The following ACAP3 variants were observed in gnomAD, a reference collection of about 807,000 sequenced individuals.
The protein encoded by ACAP3 is arf-GAP with coiled-coil, ANK repeat and PH domain-containing protein 3.
Under a neutral mutation model 104.1 loss-of-function variants are expected in ACAP3, and 56 were observed. The observed-to-expected ratio is 0.54, with a 90% CI of 0.43 to 0.67. ACAP3 has a LOEUF of 0.67. Among genes scored for constraint, ACAP3 ranks in the 30% least tolerant of loss-of-function variants. The pLI, the probability that ACAP3 is intolerant of heterozygous loss-of-function variation, is 0.00. For synonymous variants in ACAP3, 628 were observed against 496.2 expected, an observed-to-expected ratio of 1.27 and a Z score of -3.53; for missense variants, 1,208 against 1,174.9, an observed-to-expected ratio of 1.03 and a Z score of -0.41.
intron 12 of ACAP3, 21 bp downstream of exon 12, chr1:1,298,349 A>G (rs1448227908): frequency 6.2e-7 from 1 of 1,606,154 alleles, no homozygotes; most frequent in South Asian, 1.1e-5. Flanking sequence ...TCAGGGCCCC[A>G]GCCCCAGGCC....
intron 12 of ACAP3, 48 bp downstream of exon 12, chr1:1,298,322 G>A: frequency 6.2e-7 from 1 of 1,604,570 alleles, no homozygotes; most frequent in Non-Finnish European, 8.5e-7. Context: ...CTGTGGCCCA[G>A]GTGGGGCGTC....
At chr1:1,298,301 A>G in intron 12 of ACAP3, 69 bp downstream of exon 12, 1 of 1,600,088 alleles carries the variant, frequency 6.2e-7, no homozygotes, top group Non-Finnish European at 8.5e-7. Context: ...ACCCCAACTG[A>G]CCAGTCTGCC....
chr1:1,298,483 T>G, intron 11 of ACAP3, 62 bp from the exon 12 acceptor site: 1 of 1,550,178 alleles, frequency 6.5e-7, no homozygotes, highest in Non-Finnish European at 8.8e-7. Flanking sequence ...CTGTGACCCC[T>G]GCCCCCACCT....
At chr1:1,307,405 A>G in intron 1 of ACAP3, 1 of 1,291,652 alleles carries the variant, frequency 7.7e-7, no homozygotes, top group South Asian at 1.2e-5. Flanking sequence ...ATCAAGTCAG[A>G]GACCAGGGGC....
rs1640888758 is a variant in ACAP3 at position 1,292,710 on chromosome 1, T to C, written c.*854A>G. 1 of 152,156 alleles carries C rather than the reference T, an allele frequency of 6.6e-6. No homozygotes were observed. Among genetic ancestry groups the C allele is most frequent in the Non-Finnish European group, 1.5e-5 (1 of 68,054 alleles). 9.4% of individuals were successfully genotyped at this position (152,156 alleles called of 1,614,324 possible). On this transcript the variant is annotated 3_prime_UTR_variant, in exon 24 of 24. Transcript: ENST00000354700. Reference sequence around the variant, plus strand: ...GTGAAGGCATTGGCAGGCCCTGCAATATGAGCCGAAAGACCCCTGGACCCA... The same window carrying C: ...GTGAAGGCATTGGCAGGCCCTGCAACATGAGCCGAAAGACCCCTGGACCCA...
At chr1:1,298,522 A>G in intron 11 of ACAP3, 45 bp downstream of exon 11, 1 of 229,070 alleles carries the variant, frequency 4.4e-6, no homozygotes. Context: ...TGAGGACCCC[A>G]CCCCCGCCTA....
In ACAP3 at chr1:1,303,902, T is replaced by G. The variant is rs988242671; in HGVS notation, c.105+184A>C. ...GACGAGACTCAGGGCCAGCCACATGTGTGCATGTGACATGTGCACCCTGGA... is the reference window on the plus strand; with the variant it reads ...GACGAGACTCAGGGCCAGCCACATGGGTGCATGTGACATGTGCACCCTGGA... On this transcript the variant is annotated intron_variant, in intron 2 of 23. Coordinates refer to ENST00000354700, the MANE Select transcript of ACAP3 (RefSeq NM_030649.3). This position sits in a 1 kb window ranked among gnomAD's most constrained non-coding sequence, Gnocchi z 4.0. The G allele has an allele frequency of 6.6e-5, 47 of 714,510 alleles. No homozygotes were observed. The highest frequency in any genetic ancestry group is 1.0e-4 in the Non-Finnish European group (43 of 431,318). The allele number at this position is 714,510 out of a possible 1,614,324, so 44.3% of individuals were successfully genotyped here.
Position 1,293,407 on chromosome 1 carries a change from C to T in ACAP3, c.*157G>A, listed in dbSNP as rs574189340. ...AGACTCAGTGTGGGGCCCTCGCTCT[C>T]CTCCTGGGCGAGCAGGGCCGCGGCG... On this transcript the variant is annotated 3_prime_UTR_variant, in exon 24 of 24. Coordinates refer to ENST00000354700, the MANE Select transcript of ACAP3 (RefSeq NM_030649.3). The T allele has an allele frequency of 5.6e-6, 4 of 717,652 alleles. No individual in the cohort carries two copies. In the South Asian group the frequency reaches 1.6e-4, roughly 28 times the overall value. 44.5% of individuals were successfully genotyped at this position (717,652 alleles called of 1,614,324 possible).
At chr1:1,298,199 G>A (rs1011308423) in intron 12 of ACAP3, 86 bp from the exon 13 acceptor site, 12 of 1,562,440 alleles carry the variant, frequency 7.7e-6, no homozygotes, top group Non-Finnish European at 1.0e-5. Context: ...GAGACCCGGA[G>A]GCCGACTGCC....
At chr1:1,302,539 C>A (rs999786662) in intron 4 of ACAP3, among the ~76,000 whole-genome samples, 2 of 152,188 alleles carry the variant, frequency 1.3e-5, no homozygotes, top group Non-Finnish European at 2.9e-5. Context: ...GTTCAGTCTG[C>A]GGCTCAGGTT....
Position 1,303,572 on chromosome 1 carries a change from G to C in ACAP3, c.106-291C>G. The C allele has an allele frequency of 1.9e-6, 1 of 530,660 alleles. No homozygotes were observed. The highest frequency in any genetic ancestry group is 3.4e-5 in the East Asian group (1 of 29,700). 32.9% of individuals were successfully genotyped at this position (530,660 alleles called of 1,614,324 possible). ...CAGAACCAGCCCATGTGGGGCTCAT[G>C]GATAAGGCTGCCCACTCCCAGCTCC... is the stretch of plus-strand genomic sequence containing the variant. On this transcript the variant is annotated intron_variant, in intron 2 of 23. Transcript: ENST00000354700. This position sits in a 1 kb window ranked among gnomAD's most constrained non-coding sequence, Gnocchi z 4.0.
Position 1,303,376 on chromosome 1 carries a change from T to A in ACAP3, c.106-95A>T. On this transcript the variant is annotated intron_variant, in intron 2 of 23. Coordinates refer to ENST00000354700, the MANE Select transcript of ACAP3 (RefSeq NM_030649.3). This position sits in a 1 kb window ranked among gnomAD's most constrained non-coding sequence, Gnocchi z 4.0. ...TCAGAGGCAGGAAGAGCTCCCAGGG[T>A]AGGTTCCACTCAGGGCGTTGGCACT... 1 of 1,497,582 alleles carries A rather than the reference T, an allele frequency of 6.7e-7. No individual in the cohort carries two copies. Among genetic ancestry groups the A allele is most frequent in the Admixed American group, 2.1e-5 (1 of 47,788 alleles). 92.8% of individuals were successfully genotyped at this position (1,497,582 alleles called of 1,614,324 possible).
rs940391137 is a variant in ACAP3, at chr1:1,303,417, C to T, written c.106-136G>A. ...CGTTGGCACTCAGGACTCAGTGCCC[C>T]GGTGCAGCTTCCTCACGCCTGGGCC... On this transcript the variant is annotated intron_variant, in intron 2 of 23. Coordinates refer to ENST00000354700, the MANE Select transcript of ACAP3 (RefSeq NM_030649.3). This position sits in a 1 kb window ranked among gnomAD's most constrained non-coding sequence, Gnocchi z 4.0. The T allele has an allele frequency of 8.2e-5, 82 of 994,958 alleles. No individual in the cohort carries two copies. Among genetic ancestry groups the T allele is most frequent in the South Asian group, 1.1e-4 (7 of 63,016 alleles). 61.6% of individuals were successfully genotyped at this position (994,958 alleles called of 1,614,324 possible).
At chr1:1,301,940 A>T (rs1318472612) in intron 5 of ACAP3, 48 bp downstream of exon 5, 6 of 1,492,420 alleles carry the variant, frequency 4.0e-6, no homozygotes, top group Non-Finnish European at 5.4e-6. Flanking sequence ...CCTCCAAGGG[A>T]GGGAGCGTGG....
intron 19 of ACAP3, among the ~76,000 whole-genome samples, chr1:1,295,205 C>T (rs1459768012): frequency 6.6e-6 from 1 of 152,166 alleles, no homozygotes; most frequent in Non-Finnish European, 1.5e-5. Flanking sequence ...GCGCCCTCTG[C>T]TTCCCCAGCA....
chr1:1,293,543 A>G lies in ACAP3; in HGVS notation c.*21T>C. 4 of 1,360,244 alleles carry G rather than the reference A, an allele frequency of 2.9e-6. No homozygotes were observed. Among genetic ancestry groups the G allele is most frequent in the Non-Finnish European group, 3.8e-6 (4 of 1,054,920 alleles). 84.3% of individuals were successfully genotyped at this position (1,360,244 alleles called of 1,614,324 possible). ...GGGGCGTCGGGCCGGGCGGGGTGGC[A>G]GCTGCCCGGCCTGCCCGGCCCTAGC... On this transcript the variant is annotated 3_prime_UTR_variant, in exon 24 of 24. Transcript: ENST00000354700.
At chr1:1,307,224 C>A in intron 1 of ACAP3, 2 of 1,287,118 alleles carry the variant, frequency 1.6e-6, no homozygotes, top group African/African-American at 1.5e-5. Flanking sequence ...CATGCAGACT[C>A]GGTGTGCACA....
rs764243334 is a variant in ACAP3, at chr1:1,295,720, G to A, written c.1705+16C>T. The A allele has an allele frequency of 1.5e-5, 24 of 1,590,686 alleles. No homozygotes were observed. Among genetic ancestry groups the A allele is most frequent in the Non-Finnish European group, 1.6e-5 (19 of 1,169,384 alleles). On this transcript the variant is annotated intron_variant, in intron 18 of 23. Coordinates refer to ENST00000354700, the MANE Select transcript of ACAP3 (RefSeq NM_030649.3). ...AGGCAAGCCCCTCCCAGCCCTGCCG[G>A]GGCATGGCCTCCCACCTGAGGACAG...
Position 1,299,958 on chromosome 1 carries a change from C to T in ACAP3, c.663+15G>A, listed in dbSNP as rs763545001. The T allele has an allele frequency of 6.2e-7, 1 of 1,605,326 alleles. No homozygotes were observed. On this transcript the variant is annotated intron_variant, in intron 8 of 23. Transcript: ENST00000354700. ...ACGGAGGCCTGGCCCAGCCCCACCC[C>T]TCCCAAAGGCTCACCTCGGCTGCCA...
Sources: allele counts gnomAD v4.1 joint callset (sites outside exome capture counted in the v4.1 genomes callset), GRCh38; gene constraint gnomAD v4.1.1; non-coding constraint Gnocchi (gnomAD v3.1); transcripts MANE v1.5; gene names NCBI Gene and HGNC (gene_info 2026-07-23, HGNC 2026-07-21).